SLFN13: variants seen among roughly 807,000 people sequenced by gnomAD.
The protein encoded by SLFN13 is schlafen family member 13, also known as schlafen-13.
In SLFN13, 43 loss-of-function variants were observed where a neutral mutation model predicts 50.6. The ratio of observed to expected loss-of-function variants is 0.85; its 90% CI spans 0.67 to 1.09. SLFN13 has a LOEUF of 1.09. Ranked by LOEUF, SLFN13 falls within the 50% of genes least tolerant of loss-of-function variation. The pLI is 0.00. For synonymous variants in SLFN13, 339 were observed against 386.5 expected, an observed-to-expected ratio of 0.88 and a Z score of 1.44; for missense variants, 881 against 1,071.1, an observed-to-expected ratio of 0.82 and a Z score of 2.48.
In SLFN13 at chr17:35,440,736, C is replaced by G. The variant is rs762882466; in HGVS notation, c.2553G>C (p.Leu851Phe). The part of the protein sequence containing the change: ...ACDMLGVHIV[L>F]DSVRRFSGLE... ...GGCCTGAGAATCGCCGGACACTGTC[C>G]AACACAATGTGCACACCCAACATAT... Residue 851 changes from leucine (L) to phenylalanine (F), a missense_variant, in exon 6 of 6, where the codon TTG (leucine) becomes TTC (phenylalanine). This residue lies in a region of SLFN13 where 322 missense variants were observed against 327.4 expected (regional missense o/e 0.98). Transcript: ENST00000285013. The G allele has an allele frequency of 1.7e-5, 27 of 1,613,998 alleles. No homozygotes were observed. The highest frequency in any genetic ancestry group is 1.9e-5 in the Non-Finnish European group (23 of 1,180,038).
At position 35,441,268 on chromosome 17, in the gene SLFN13, C is replaced by T. The variant is rs750705273; in HGVS notation, c.2021G>A (p.Arg674His). 26 of 1,613,980 alleles carry T rather than the reference C, an allele frequency of 1.6e-5. No homozygotes were observed. Among genetic ancestry groups the T allele is most frequent in the Admixed American group, 3.3e-5 (2 of 60,002 alleles). ...HIVIDEAQNF[R>H]TEDGDWYRKA... is the part of the protein sequence containing the mutation. ...CCTATACCAGTCCCCATCTTCAGTA[C>T]GGAAATTCTGAGCTTCGTCAATGAC... The change falls in exon 6 of 6, where the codon CGT becomes CAT. Residue 674 changes from arginine to histidine, a missense_variant. This residue lies in a region of SLFN13 where 322 missense variants were observed against 327.4 expected (regional missense o/e 0.98). Coordinates refer to ENST00000285013, the MANE Select transcript of SLFN13 (RefSeq NM_144682.6).
chr17:35,440,730 A>T lies in SLFN13; in HGVS notation c.2559T>A (p.Ser853Arg), dbSNP rs775602714. Residue 853 changes from serine to arginine, a missense_variant, in exon 6 of 6, where the codon AGT becomes AGA. Transcript: ENST00000285013. ...TTTCCAGGCCTGAGAATCGCCGGAC[A>T]CTGTCCAACACAATGTGCACACCCA... ...DMLGVHIVLD[S>R]VRRFSGLERS... is the part of the protein sequence containing the mutation. The T allele has an allele frequency of 3.1e-6, 5 of 1,614,022 alleles. No homozygotes were observed. The highest frequency in any genetic ancestry group is 2.2e-5 in the East Asian group (1 of 44,896).
rs765697724 is a variant in SLFN13 at position 35,441,108 on chromosome 17, G to A, written c.2181C>T (p.Leu727=). 5.6e-6 allele frequency: 9 copies of A among 1,613,906 alleles called. No homozygotes were observed. Among genetic ancestry groups the A allele is most frequent in the Admixed American group, 5.0e-5 (3 of 60,000 alleles). Residue 727 remains leucine, a synonymous_variant, in exon 6 of 6, where the codon CTC becomes CTT. Coordinates refer to ENST00000285013, the MANE Select transcript of SLFN13 (RefSeq NM_144682.6). Reference sequence around the variant, plus strand: ...CATCTGCATTGCGAACTACTCTGGTGAGCTCTTCTCTTGGATACTGTGCTG... The same window carrying A: ...CATCTGCATTGCGAACTACTCTGGTAAGCTCTTCTCTTGGATACTGTGCTG... ...PLSAQYPREE[L]TRVVRNADEI...
chr17:35,447,837 A>G (rs1029421964), intron 1 of SLFN13, among the ~76,000 whole-genome samples: 2 of 151,708 alleles, frequency 1.3e-5, no homozygotes, highest in African/African-American at 4.9e-5. Context: ...GATAATGGGT[A>G]CAGGGTAATG....
chr17:35,444,090 T>A, intron 3 of SLFN13, 170 bp from the exon 4 acceptor site: 1 of 571,570 alleles, frequency 1.7e-6, no homozygotes, highest in Non-Finnish European at 2.9e-6. Flanking sequence ...GATTCATCAT[T>A]AAAAGCCCTT....
chr17:35,440,848 C>G lies in SLFN13; in HGVS notation c.2441G>C (p.Ser814Thr). 4 of 1,614,138 alleles carry G rather than the reference C, an allele frequency of 2.5e-6. No individual in the cohort carries two copies. Among genetic ancestry groups the G allele is most frequent in the Non-Finnish European group, 3.4e-6 (4 of 1,180,024 alleles). ...YSPKDVAVLV[S>T]TVTEVEQYQS... ...ATACTGCTCCACTTCTGTCACGGTG[C>G]TGACAAGCACAGCAACATCCTTTGG... The change falls in exon 6 of 6, where the codon AGC becomes ACC. Residue 814 changes from serine (S) to threonine (T), a missense_variant. This residue lies in a region of SLFN13 where 322 missense variants were observed against 327.4 expected (regional missense o/e 0.98). Transcript: ENST00000285013.
intron 4 of SLFN13, 125 bp from the exon 5 acceptor site, chr17:35,442,411 C>T: frequency 8.9e-7 from 1 of 1,129,938 alleles, no homozygotes; most frequent in Non-Finnish European, 1.2e-6. Context: ...GAAATTCCTT[C>T]TGGTGCATCT....
chr17:35,436,158 A>G lies in SLFN13; in HGVS notation c.*4437T>C, dbSNP rs1268642296. ...GCCAGCCTCATGAAATTAGTTAGGAACTGTTTCCTCTTTCTAGGAAAGCAT... is the reference window on the plus strand; with the variant it reads ...GCCAGCCTCATGAAATTAGTTAGGAGCTGTTTCCTCTTTCTAGGAAAGCAT... On this transcript the variant is annotated 3_prime_UTR_variant, in exon 6 of 6. Coordinates refer to ENST00000285013, the MANE Select transcript of SLFN13 (RefSeq NM_144682.6). 6.6e-6 allele frequency: 1 copy of G among 152,116 alleles called. No homozygotes were observed. The highest frequency in any genetic ancestry group is 1.9e-4 in the East Asian group (1 of 5,198). The allele number at this position is 152,116 out of a possible 1,614,324, so 9.4% of individuals were successfully genotyped here.
chr17:35,443,762 C>T (rs1339485801), intron 4 of SLFN13, 27 bp downstream of exon 4: 1 of 1,599,198 alleles, frequency 6.3e-7, no homozygotes, highest in Non-Finnish European at 8.6e-7. Flanking sequence ...TTCCTTCTCT[C>T]CTGATGTAAA....
chr17:35,443,638 T>A (rs16970972), intron 4 of SLFN13, 151 bp downstream of exon 4: 127,099 of 735,588 alleles, frequency 0.17, 13,637 homozygotes, highest in East Asian at 0.42. Context: ...AGATGATTTC[T>A]AAAGGCACCT....
chr17:35,443,870 CAGAT>C lies in SLFN13; in HGVS notation c.1113_1116del (p.Ser372ThrfsTer51), dbSNP rs1434147928. ...ACTGGTCTGCAAAGTGAAGGACTGT[CAGAT>C]AGACTCAACTGAGACTCAAAGGCCT... On this transcript the variant is annotated frameshift_variant, in exon 4 of 6. Transcript: ENST00000285013. LOFTEE classifies it high-confidence loss of function. 11 of 1,613,722 alleles carry C rather than the reference CAGAT, an allele frequency of 6.8e-6. No homozygotes were observed. Among genetic ancestry groups the C allele is most frequent in the Non-Finnish European group, 8.5e-6 (10 of 1,179,768 alleles).
chr17:35,444,043 C>T (rs1241320372), intron 3 of SLFN13, 123 bp from the exon 4 acceptor site: 4 of 907,614 alleles, frequency 4.4e-6, no homozygotes, highest in Non-Finnish European at 4.7e-6. Flanking sequence ...AAGTCAGATG[C>T]TTTACCCTTT....
Position 35,441,312 on chromosome 17 carries a change from A to C in SLFN13, c.1977T>G (p.Phe659Leu). The C allele has an allele frequency of 6.2e-7, 1 of 1,612,650 alleles. No individual in the cohort carries two copies. The highest frequency in any genetic ancestry group is 1.1e-5 in the South Asian group (1 of 90,704). The part of the protein sequence containing the change: ...ETRETFLREK[F>L]EHIQHIVIDE... ...CAATGACGATGTGTTGAATGTGTTC[A>C]AATTTTTCTCTTAGGAAAGTTTCCC... The change falls in exon 6 of 6, where the codon TTT (phenylalanine) becomes TTG (leucine). Residue 659 changes from phenylalanine (F) to leucine (L), a missense_variant. By Grantham distance (22) the Phe-to-Leu change is conservative. Transcript: ENST00000285013.
At position 35,443,221 on chromosome 17, in the gene SLFN13, C is replaced by T. The variant is rs117642937; in HGVS notation, c.1198+568G>A. On this transcript the variant is annotated intron_variant, in intron 4 of 5. Transcript: ENST00000285013. ...GGCAGCAGGGAGAGGGGTTACATAA[C>T]ATTGTCTATGGGCTTGAATTATTAT... is the stretch of plus-strand genomic sequence containing the variant. 6.3e-3 allele frequency among the ~76,000 whole-genome samples: 955 copies of T among 152,274 alleles called. 11 individuals carry two copies. Among genetic ancestry groups the T allele is most frequent in the Admixed American group, 0.028 (424 of 15,302 alleles).
Position 35,442,059 on chromosome 17 carries a change from G to A in SLFN13, c.1426C>T (p.Leu476Phe), listed in dbSNP as rs377103406. 1.6e-4 allele frequency: 264 copies of A among 1,614,174 alleles called. No homozygotes were observed. Among genetic ancestry groups the A allele is most frequent in the Non-Finnish European group, 2.1e-4 (248 of 1,180,040 alleles). The part of the protein sequence containing the change: ...QNSTPILYTI[L>F]REQDAEGQDY... ...TGGCCCTCTGCATCCTGCTCCCTGA[G>A]AATGGTGTAGAGAATGGGGGTGCTG... Residue 476 changes from leucine (L) to phenylalanine (F), a missense_variant, in exon 5 of 6, where the codon CTC (leucine) becomes TTC (phenylalanine). By Grantham distance (22) the Leu-to-Phe change is conservative. This residue lies in a region of SLFN13 where 22 missense variants were observed against 132.0 expected (regional missense o/e 0.17). Transcript: ENST00000285013.
intron 2 of SLFN13, 98 bp from the exon 3 acceptor site, chr17:35,445,791 G>A (rs1567865079): frequency 5.9e-6 from 6 of 1,014,014 alleles, no homozygotes; most frequent in Non-Finnish European, 7.0e-6. Context: ...TCTAATATGT[G>A]CTGGGATAAG....
At position 35,440,916 on chromosome 17, in the gene SLFN13, A is replaced by G; in HGVS notation, c.2373T>C (p.Tyr791=). 1 of 1,614,078 alleles carries G rather than the reference A, an allele frequency of 6.2e-7. No homozygotes were observed. Among genetic ancestry groups the G allele is most frequent in the Non-Finnish European group, 8.5e-7 (1 of 1,180,026 alleles). Reference sequence around the variant, plus strand: ...AGAAGCACCTGCAGGTGTCTGCCACATAGGTCACTATTTGCTCCAAAGTAA... The same window carrying G: ...AGAAGCACCTGCAGGTGTCTGCCACGTAGGTCACTATTTGCTCCAAAGTAA... The part of the protein sequence containing the change: ...KNFTLEQIVT[Y]VADTCRCFFE... Residue 791 remains tyrosine, a synonymous_variant, in exon 6 of 6, where the codon TAT becomes TAC. Transcript: ENST00000285013.
chr17:35,442,689 C>T (rs1201191415), intron 4 of SLFN13, among the ~76,000 whole-genome samples: 1 of 152,082 alleles, frequency 6.6e-6, no homozygotes, highest in African/African-American at 2.4e-5. Flanking sequence ...ATGATCTGCC[C>T]GCCTCGGCCT....
intron 4 of SLFN13, among the ~76,000 whole-genome samples, 157 bp from the exon 5 acceptor site, chr17:35,442,443 T>C (rs750387321): frequency 6.6e-6 from 1 of 151,836 alleles, no homozygotes; most frequent in Non-Finnish European, 1.5e-5. Flanking sequence ...TTTGTTTGTT[T>C]GTCTGTCTGT....
Sources: gnomAD v4.1 joint callset for allele counts (sites outside exome capture counted in the v4.1 genomes callset) on GRCh38, gnomAD v4.1.1 for gene constraint, gnomAD v4.1.1 regional missense constraint, MANE v1.5 for transcripts, NCBI Gene and HGNC (gene_info 2026-07-23, HGNC 2026-07-21) for gene names.